The following EEPD1 variants were observed in gnomAD, a reference collection of about 807,000 sequenced individuals.
The protein encoded by EEPD1 is endonuclease/exonuclease/phosphatase family domain-containing protein 1.
A neutral mutation model predicts 46.3 loss-of-function variants in EEPD1; 17 were observed. The ratio of observed to expected loss-of-function variants is 0.37; its 90% confidence interval spans 0.25 to 0.55. The LOEUF (loss-of-function observed/expected upper bound fraction) is 0.55. EEPD1 is among the 20% of genes least tolerant of loss of function. EEPD1 has a pLI of 0.83. For missense variants in EEPD1, 673 were observed against 745.6 expected, an observed-to-expected ratio of 0.90 and a Z score of 1.13; for synonymous variants, 313 against 315.6, an observed-to-expected ratio of 0.99 and a Z score of 0.09.
chr7:36,281,098 G>C lies in EEPD1; in HGVS notation c.931-17G>C. ...AGGCGCGAACCCACGCTTCTGACCT[G>C]TGCTCTGTCTTTGCAGTTCTGCACG... is the stretch of plus-strand genomic sequence containing the variant. On this transcript the variant is annotated splice_polypyrimidine_tract_variant and intron_variant, in intron 3 of 7. Transcript: ENST00000242108. 3 of 1,613,278 alleles carry C rather than the reference G, an allele frequency of 1.9e-6. No homozygotes were observed. Among genetic ancestry groups the C allele is most frequent in the Non-Finnish European group, 2.5e-6 (3 of 1,179,584 alleles).
At chr7:36,257,419 C>T (rs925148970) in intron 3 of EEPD1, among the ~76,000 whole-genome samples, 1 of 152,014 alleles carries the variant, frequency 6.6e-6, no homozygotes, top group African/African-American at 2.4e-5. Flanking sequence ...AGAGTGTTTT[C>T]CAAGTTGGTT....
At chr7:36,266,874 T>C (rs879517058) in intron 3 of EEPD1, among the ~76,000 whole-genome samples, 22 of 152,370 alleles carry the variant, frequency 1.4e-4, no homozygotes, top group Admixed American at 5.2e-4. Context: ...TAGTGTAATG[T>C]GTTCAAGGTT....
intron 4 of EEPD1, 143 bp from the exon 5 acceptor site, chr7:36,284,543 C>T (rs2115877060): frequency 1.2e-5 from 12 of 1,023,766 alleles, no homozygotes; most frequent in Non-Finnish European, 1.4e-5. Flanking sequence ...GTGGCTGTGG[C>T]TTTCGTGGTG....
chr7:36,157,594 T>C lies in EEPD1; in HGVS notation c.878+2392T>C, dbSNP rs575859745. Among the ~76,000 whole-genome samples, 105 of 152,346 alleles carry C rather than the reference T, an allele frequency of 6.9e-4. 2 individuals are homozygous for C. Among genetic ancestry groups the C allele is most frequent in the Middle Eastern group, 6.8e-3 (2 of 294 alleles). On this transcript the variant is annotated intron_variant, in intron 2 of 7. Coordinates refer to ENST00000242108, the MANE Select transcript of EEPD1 (RefSeq NM_030636.3). ...ACCAGGGTGTAGAAGGGATCACCTG[T>C]AAGTGACTGGGAAGGTGACCCGCAC... is the stretch of plus-strand genomic sequence containing the variant.
chr7:36,272,225 G>A (rs564464230), intron 3 of EEPD1, among the ~76,000 whole-genome samples: 1 of 152,152 alleles, frequency 6.6e-6, no homozygotes, highest in Admixed American at 6.5e-5. Flanking sequence ...AATTACTATG[G>A]AAGTCTTAAT....
chr7:36,157,690 A>G (rs1279803239), intron 2 of EEPD1, among the ~76,000 whole-genome samples: 1 of 152,230 alleles, frequency 6.6e-6, no homozygotes, highest in Non-Finnish European at 1.5e-5. Flanking sequence ...CAATGGATTC[A>G]GTATTCCAGA....
At chr7:36,173,369 T>TGG (rs1785124213) in intron 2 of EEPD1, among the ~76,000 whole-genome samples, 1 of 146,068 alleles carries the variant, frequency 6.8e-6, no homozygotes, top group African/African-American at 2.5e-5. Context: ...TGTGGTAATG[T>TGG]GCACCTATAA....
intron 2 of EEPD1, among the ~76,000 whole-genome samples, chr7:36,216,921 G>T (rs1786038218): frequency 6.6e-6 from 1 of 152,150 alleles, no homozygotes; most frequent in South Asian, 2.1e-4. Context: ...GTAATTCCTA[G>T]GTAGCAGAAT....
chr7:36,209,419 A>T (rs1211391637), intron 2 of EEPD1, among the ~76,000 whole-genome samples: 2 of 152,082 alleles, frequency 1.3e-5, no homozygotes, highest in Non-Finnish European at 2.9e-5. Flanking sequence ...TGTGAGGAGG[A>T]TTGTAGAGCC....
In EEPD1 at chr7:36,219,806, A is replaced by AGAGTGTGTGT. The variant is rs1341203087; in HGVS notation, c.879-19178_879-19177insAGTGTGTGTG. Among the ~76,000 whole-genome samples, 190 of 75,426 alleles carry AGAGTGTGTGT rather than the reference A, an allele frequency of 2.5e-3. 1 individual carries two copies. Among genetic ancestry groups the AGAGTGTGTGT allele is most frequent in the South Asian group, 7.2e-3 (12 of 1,674 alleles). The allele number at this position is 75,426 out of a possible 152,430, so 49.5% of individuals were successfully genotyped here. A position where few individuals can be genotyped will look rare whatever the true frequency, so the allele number is the denominator to read the frequency against. On this transcript the variant is annotated intron_variant, in intron 2 of 7. Coordinates refer to ENST00000242108, the MANE Select transcript of EEPD1 (RefSeq NM_030636.3). ...GAGAGAGAGAGAGAGAGAGAGAGAGAGTGTGTGTGTGTGTGTGTGTGTGTG... is the reference window on the plus strand; with the variant it reads ...GAGAGAGAGAGAGAGAGAGAGAGAGAGAGTGTGTGTGTGTGTGTGTGTGTGTGTGTGTGTG...
At chr7:36,180,540 G>A (rs1316367195) in intron 2 of EEPD1, among the ~76,000 whole-genome samples, 1 of 152,188 alleles carries the variant, frequency 6.6e-6, no homozygotes, top group Non-Finnish European at 1.5e-5. Context: ...CAGGGAGGTA[G>A]GCAGGAGAAA....
At chr7:36,182,854 T>C (rs892242662) in intron 2 of EEPD1, among the ~76,000 whole-genome samples, 4 of 152,258 alleles carry the variant, frequency 2.6e-5, no homozygotes, top group African/African-American at 9.6e-5. Flanking sequence ...TCTTGGGTCT[T>C]TTCATGCTTT....
In EEPD1 at chr7:36,183,888, T is replaced by TTTTTTTTTTTTTTTTTTTG. The variant is rs3053348; in HGVS notation, c.878+28686_878+28687insTTTTTTTTTTTTTTTTTTG. ...TTCCTAGCCCTCGTTTTTTTTTTTT[T>TTTTTTTTTTTTTTTTTTTG]ATTTTTAAAAAAATGTGTGTTGTTG... On this transcript the variant is annotated intron_variant, in intron 2 of 7. Coordinates refer to ENST00000242108, the MANE Select transcript of EEPD1 (RefSeq NM_030636.3). Among the ~76,000 whole-genome samples, 12 of 135,412 alleles carry TTTTTTTTTTTTTTTTTTTG rather than the reference T, an allele frequency of 8.9e-5. 1 individual carries two copies. Among genetic ancestry groups the TTTTTTTTTTTTTTTTTTTG allele is most frequent in the Admixed American group, 1.5e-4 (2 of 13,228 alleles). The allele number at this position is 135,412 out of a possible 152,430, so 88.8% of individuals were successfully genotyped here. A position where few individuals can be genotyped will look rare whatever the true frequency, so the allele number is the denominator to read the frequency against.
At chr7:36,204,742 T>C (rs1785782089) in intron 2 of EEPD1, among the ~76,000 whole-genome samples, 1 of 152,192 alleles carries the variant, frequency 6.6e-6, no homozygotes. Context: ...CTTCCCCCTC[T>C]ATATTCCGGA....
chr7:36,194,305 T>C (rs1013080295), intron 2 of EEPD1, among the ~76,000 whole-genome samples: 1 of 152,174 alleles, frequency 6.6e-6, no homozygotes, highest in Non-Finnish European at 1.5e-5. Flanking sequence ...AATCCTTGAA[T>C]GAATGGATGA....
intron 3 of EEPD1, among the ~76,000 whole-genome samples, chr7:36,261,405 C>G (rs1786921165): frequency 6.6e-6 from 1 of 152,128 alleles, no homozygotes; most frequent in Admixed American, 6.5e-5. Context: ...TACTTTTTAG[C>G]AGAAAGAAAA....
intron 2 of EEPD1, among the ~76,000 whole-genome samples, chr7:36,196,666 G>A (rs1053377227): frequency 6.6e-6 from 1 of 152,316 alleles, no homozygotes; most frequent in Admixed American, 6.5e-5. Context: ...TGCCAGCCTC[G>A]GCCTCCCGAA....
At chr7:36,298,922 T>C in intron 7 of EEPD1, 85 bp from the exon 8 acceptor site, 2 of 1,491,570 alleles carry the variant, frequency 1.3e-6, no homozygotes, top group East Asian at 2.3e-5. Flanking sequence ...AGACATGCGG[T>C]GTGACCCTCC....
At chr7:36,191,401 G>T (rs925287095) in intron 2 of EEPD1, among the ~76,000 whole-genome samples, 2 of 152,206 alleles carry the variant, frequency 1.3e-5, no homozygotes, top group East Asian at 3.8e-4. Context: ...TGGGAAGAGG[G>T]AGGGGAGAGG....
Sources: allele counts gnomAD v4.1 joint callset (sites outside exome capture counted in the v4.1 genomes callset), GRCh38; gene constraint gnomAD v4.1.1; transcripts MANE v1.5; gene names NCBI Gene and HGNC (gene_info 2026-07-23, HGNC 2026-07-21).